PCDHA6: variants seen among roughly 807,000 people sequenced by gnomAD.
PCDHA6 encodes protocadherin alpha-6.
PCDHA6 carries 55 observed loss-of-function variants against 60.3 expected under a neutral mutation model. The ratio of observed to expected loss-of-function variants is 0.91; its 90% confidence interval spans 0.73 to 1.14. The LOEUF is 1.14. Among genes scored for constraint, PCDHA6 ranks in the 50% most tolerant of loss-of-function variants. The pLI is 0.00. For missense variants in PCDHA6, 1,327 were observed against 1,256.5 expected, an observed-to-expected ratio of 1.06 and a Z score of -0.85; for synonymous variants, 652 against 557.9, an observed-to-expected ratio of 1.17 and a Z score of -2.38.
chr5:140,980,490 C>T (rs185528514), intron 2 of PCDHA6, among the ~76,000 whole-genome samples: 39 of 152,096 alleles, frequency 2.6e-4, no homozygotes, highest in Admixed American at 4.6e-4. Context: ...ATTAGCTGGG[C>T]GTGATGGCAT....
intron 1 of PCDHA6, chr5:140,860,566 A>G (rs1385735814): frequency 6.6e-6 from 1 of 152,224 alleles, no homozygotes; most frequent in Non-Finnish European, 1.5e-5. Context: ...GGTACTGATC[A>G]TACACAAGAA....
intron 1 of PCDHA6, chr5:140,853,424 G>A (rs112620213): frequency 1.0e-6 from 1 of 985,928 alleles, no homozygotes; most frequent in African/African-American, 1.8e-5. Context: ...AAGCAGAAGA[G>A]ACACTTTCCT....
In PCDHA6 at chr5:141,000,416, TATATA is replaced by T. The variant is rs1214257718; in HGVS notation, c.2543-9210_2543-9206del. On this transcript the variant is annotated intron_variant, in intron 3 of 3. Coordinates refer to ENST00000529310, the MANE Select transcript of PCDHA6 (RefSeq NM_018909.4). ...CTCTCTATATATATATATATATATA[TATATA>T]TTTTTTTTTTTTTTTTTTTTTTTGA... 2.1e-3 allele frequency among the ~76,000 whole-genome samples: 195 copies of T among 93,382 alleles called. 1 individual carries two copies. Among genetic ancestry groups the T allele is most frequent in the African/African-American group, 4.2e-3 (94 of 22,362 alleles). 61.3% of individuals were successfully genotyped at this position (93,382 alleles called of 152,430 possible). A position where few individuals can be genotyped will look rare whatever the true frequency, so the allele number is the denominator to read the frequency against.
chr5:140,871,369 A>G, intron 1 of PCDHA6: 1 of 1,614,218 alleles, frequency 6.2e-7, no homozygotes. Context: ...GAGGCGGCAG[A>G]GGGTGTGCTC....
At chr5:141,007,395 CAAAAA>C (rs35800918) in intron 3 of PCDHA6, among the ~76,000 whole-genome samples, 1 of 94,866 alleles carries the variant, frequency 1.1e-5, no homozygotes, top group Non-Finnish European at 2.1e-5. Flanking sequence ...TACTAAAATA[CAAAAA>C]AAAAAAAAAA....
At chr5:140,873,301 A>G (rs1463024301) in intron 1 of PCDHA6, among the ~76,000 whole-genome samples, 1 of 152,238 alleles carries the variant, frequency 6.6e-6, no homozygotes, top group Non-Finnish European at 1.5e-5. Flanking sequence ...TTATAAATAT[A>G]ATAAAGGTGA....
intron 1 of PCDHA6, among the ~76,000 whole-genome samples, chr5:140,934,142 T>C (rs1359446492): frequency 1.3e-5 from 2 of 152,170 alleles, no homozygotes; most frequent in African/African-American, 4.8e-5. Context: ...TTTCCTTCCT[T>C]ATATGTTTAT....
chr5:140,932,187 T>C (rs2153611225), intron 1 of PCDHA6, among the ~76,000 whole-genome samples: 1 of 152,028 alleles, frequency 6.6e-6, no homozygotes, highest in Admixed American at 6.5e-5. Context: ...CTCATGTCCA[T>C]TTTTTTCTGT....
intron 1 of PCDHA6, among the ~76,000 whole-genome samples, chr5:140,940,317 A>G (rs782009825): frequency 1.5e-4 from 23 of 152,024 alleles, no homozygotes; most frequent in Non-Finnish European, 2.2e-4. Context: ...CTTTCTTCCA[A>G]TTTTACTAAT....
At chr5:140,896,710 T>C (rs1231459059) in intron 1 of PCDHA6, among the ~76,000 whole-genome samples, 2 of 152,160 alleles carry the variant, frequency 1.3e-5, no homozygotes, top group Non-Finnish European at 2.9e-5. Flanking sequence ...TGTTTGTTTT[T>C]TGCTTGTTAA....
At chr5:140,993,460 T>TCCCACACA (rs1554253699) in intron 3 of PCDHA6, among the ~76,000 whole-genome samples, 2 of 104,506 alleles carry the variant, frequency 1.9e-5, no homozygotes, top group African/African-American at 7.8e-5. Flanking sequence ...CTTCTTTCTT[T>TCCCACACA]CTCACACACA....
chr5:140,843,123 C>T lies in PCDHA6; in HGVS notation c.2394+12638C>T, dbSNP rs2150353254. ...AAGGTGCGCGCAGTGGACGCCGACT[C>T]GGGCTACAACGCGTGGCTTTCGTAT... On this transcript the variant is annotated intron_variant, in intron 1 of 3. Transcript: ENST00000529310. 18 of 1,595,788 alleles carry T rather than the reference C, an allele frequency of 1.1e-5. No homozygotes were observed. The East Asian group carries it at 3.6e-4, about 32-fold the overall frequency.
At chr5:140,928,760 T>G (rs782568767) in intron 1 of PCDHA6, 6 of 1,614,060 alleles carry the variant, frequency 3.7e-6, no homozygotes, top group Non-Finnish European at 5.1e-6. Flanking sequence ...ACTGCTCGCT[T>G]AGTTCTTCCC....
intron 1 of PCDHA6, chr5:140,875,323 A>G: frequency 2.1e-6 from 3 of 1,427,940 alleles, no homozygotes; most frequent in South Asian, 3.2e-5. Flanking sequence ...CCAATCATTC[A>G]CGGAATAGGA....
At chr5:140,869,849 T>C in intron 1 of PCDHA6, 3 of 1,611,006 alleles carry the variant, frequency 1.9e-6, no homozygotes, top group African/African-American at 1.3e-5. Context: ...GAATATAAGG[T>C]GAGCCTTATG....
rs2150320431 is a variant in PCDHA6 at position 140,841,664 on chromosome 5, C to A, written c.2394+11179C>A. ...GGAGGTGATCGTGGACAGGCCGCTGCAGGTTTTCCATGTGGACGTGGAGGT... is the reference window on the plus strand; with the variant it reads ...GGAGGTGATCGTGGACAGGCCGCTGAAGGTTTTCCATGTGGACGTGGAGGT... On this transcript the variant is annotated intron_variant, in intron 1 of 3. Coordinates refer to ENST00000529310, the MANE Select transcript of PCDHA6 (RefSeq NM_018909.4). 3 of 1,613,958 alleles carry A rather than the reference C, an allele frequency of 1.9e-6. No homozygotes were observed. In the African/African-American group the frequency reaches 4.0e-5, roughly 22 times the overall value.
chr5:140,868,895 G>A (rs782646284), intron 1 of PCDHA6: 198 of 777,068 alleles, frequency 2.5e-4, no homozygotes, highest in Admixed American at 3.7e-4. Flanking sequence ...TAGGCGCAAG[G>A]TGTCGCTCTT....
At chr5:140,855,043 A>G (rs1177113480) in intron 1 of PCDHA6, among the ~76,000 whole-genome samples, 1 of 150,018 alleles carries the variant, frequency 6.7e-6, no homozygotes, top group African/African-American at 2.4e-5. Flanking sequence ...TTTTTCTGTA[A>G]TAGTACTTTT....
At position 140,857,270 on chromosome 5, in the gene PCDHA6, C is replaced by T. The variant is rs782277671; in HGVS notation, c.2394+26785C>T. On this transcript the variant is annotated intron_variant, in intron 1 of 3. Coordinates refer to ENST00000529310, the MANE Select transcript of PCDHA6 (RefSeq NM_018909.4). ...CTACAAGAATTACTACTCATTGGTG[C>T]TGGACAGCGCTCTGGACCGCGAGAG... 5.0e-6 allele frequency: 8 copies of T among 1,598,754 alleles called. 2 individuals are homozygous for T. The highest frequency in any genetic ancestry group is 4.3e-6 in the Non-Finnish European group (5 of 1,168,052).
Sources: gnomAD v4.1 joint callset for allele counts (sites outside exome capture counted in the v4.1 genomes callset) on GRCh38, gnomAD v4.1.1 for gene constraint, MANE v1.5 for transcripts, NCBI Gene and HGNC (gene_info 2026-07-23, HGNC 2026-07-21) for gene names.